Variants in TMPRSS6 observed in about 807,000 individuals in gnomAD.
The protein encoded by TMPRSS6 is transmembrane serine protease 6, also known as transmembrane protease serine 6.
TMPRSS6 carries 67 observed loss-of-function variants against 101.5 expected under a neutral mutation model. The observed-to-expected ratio is 0.66, with a 90% CI of 0.54 to 0.81. The LOEUF (loss-of-function observed/expected upper bound fraction) is 0.81, where lower values mean the gene tolerates loss of function less well. Ranked by LOEUF, TMPRSS6 falls within the 30% of genes least tolerant of loss-of-function variation. TMPRSS6 has a pLI of 0.00. For missense variants in TMPRSS6, 1,034 were observed against 1,088.7 expected, an observed-to-expected ratio of 0.95 and a Z score of 0.71; for synonymous variants, 453 against 464.9, an observed-to-expected ratio of 0.97 and a Z score of 0.33.
Position 37,065,581 on chromosome 22 carries a change from G to A in TMPRSS6, c.*499C>T, listed in dbSNP as rs560949530. The A allele has an allele frequency of 1.0e-3, 167 of 163,334 alleles. No homozygotes were observed. The highest frequency in any genetic ancestry group is 1.8e-3 in the Non-Finnish European group (134 of 74,094). The allele number at this position is 163,334 out of a possible 1,614,324, so 10.1% of individuals were successfully genotyped here. On this transcript the variant is annotated 3_prime_UTR_variant, in exon 18 of 18. Coordinates refer to ENST00000676104, the MANE Select transcript of TMPRSS6 (RefSeq NM_001374504.1). ...ACCTTTTGGCTTACAGTGGCAGCAGGCCCACCTGGCAGTCTCCAGGGCTCT... is the reference window on the plus strand; with the variant it reads ...ACCTTTTGGCTTACAGTGGCAGCAGACCCACCTGGCAGTCTCCAGGGCTCT...
At chr22:37,082,220 G>A (rs1170204131) in intron 10 of TMPRSS6, among the ~76,000 whole-genome samples, 1 of 152,158 alleles carries the variant, frequency 6.6e-6, no homozygotes, top group Non-Finnish European at 1.5e-5. Context: ...AAACAGGAAC[G>A]GCGCCAATGA....
chr22:37,066,949 G>A lies in TMPRSS6; in HGVS notation c.2127C>T (p.Asn709=), dbSNP rs143878335. The A allele has an allele frequency of 6.4e-4, 1,031 of 1,614,142 alleles. 11 individuals carry two copies. The East Asian group carries it at 0.014, about 23-fold the overall frequency. ...ACTGCACATCCACTTTCTGCAGAGCGTTGCTGATGGGGCCTGTCCGTGGTC... is the reference window on the plus strand; with the variant it reads ...ACTGCACATCCACTTTCTGCAGAGCATTGCTGATGGGGCCTGTCCGTGGTC... The part of the protein sequence containing the change: ...GALREGGPIS[N]ALQKVDVQLI... The change falls in exon 17 of 18, where the codon AAC becomes AAT. Residue 709 remains asparagine, a synonymous_variant. Coordinates refer to ENST00000676104, the MANE Select transcript of TMPRSS6 (RefSeq NM_001374504.1).
chr22:37,076,012 A>AAAGG (rs1491099625), intron 10 of TMPRSS6, among the ~76,000 whole-genome samples: 1 of 151,134 alleles, frequency 6.6e-6, no homozygotes, highest in African/African-American at 2.5e-5. Context: ...AGAAAGAAAG[A>AAAGG]AAGAAGAAAG....
Position 37,074,725 on chromosome 22 carries a change from G to A in TMPRSS6, c.1343-17C>T. 1 of 1,612,702 alleles carries A rather than the reference G, an allele frequency of 6.2e-7. No individual in the cohort carries two copies. The highest frequency in any genetic ancestry group is 8.5e-7 in the Non-Finnish European group (1 of 1,178,858). Reference sequence around the variant, plus strand: ...CAGGGCAGGCTGCAAAACCACAGGGGACCGTGGAGGCAGGCAGGGCGCCAT... The same window carrying A: ...CAGGGCAGGCTGCAAAACCACAGGGAACCGTGGAGGCAGGCAGGGCGCCAT... On this transcript the variant is annotated splice_polypyrimidine_tract_variant and intron_variant, in intron 11 of 17. Coordinates refer to ENST00000676104, the MANE Select transcript of TMPRSS6 (RefSeq NM_001374504.1).
chr22:37,089,305 G>T (rs1929025101), intron 7 of TMPRSS6, among the ~76,000 whole-genome samples: 1 of 152,112 alleles, frequency 6.6e-6, no homozygotes, highest in Non-Finnish European at 1.5e-5. Flanking sequence ...ACAAGCCACG[G>T]TGCCTCCCAG....
chr22:37,074,576 A>T (rs768268119), intron 12 of TMPRSS6, 34 bp downstream of exon 12: 2 of 1,592,458 alleles, frequency 1.3e-6, no homozygotes, highest in South Asian at 2.2e-5. Flanking sequence ...AGGGATGGGC[A>T]GGGAGAGGAG....
intron 7 of TMPRSS6, among the ~76,000 whole-genome samples, chr22:37,088,442 C>A (rs370115885): frequency 2.0e-5 from 3 of 152,212 alleles, no homozygotes; most frequent in African/African-American, 7.2e-5. Flanking sequence ...ATCAGCCTGA[C>A]GCCCAGCACA....
At chr22:37,073,382 G>A (rs1927320438) in intron 13 of TMPRSS6, 150 bp downstream of exon 13, 5 of 616,826 alleles carry the variant, frequency 8.1e-6, no homozygotes, top group South Asian at 7.4e-5. Context: ...ATGGATGGAT[G>A]GATGGATGGA....
At chr22:37,108,955 C>T (rs927951469) in intron 1 of TMPRSS6, among the ~76,000 whole-genome samples, 14 of 152,104 alleles carry the variant, frequency 9.2e-5, no homozygotes, top group East Asian at 1.9e-4. Flanking sequence ...TGGAGACACG[C>T]GGAGGGATAT....
chr22:37,093,519 C>T (rs535602313), intron 6 of TMPRSS6, among the ~76,000 whole-genome samples: 1 of 149,992 alleles, frequency 6.7e-6, no homozygotes. Context: ...TCTCCTGCCT[C>T]AGCCTCCTGA....
chr22:37,075,971 G>A (rs1312764421), intron 10 of TMPRSS6, among the ~76,000 whole-genome samples: 2 of 141,672 alleles, frequency 1.4e-5, no homozygotes, highest in Non-Finnish European at 3.0e-5. Flanking sequence ...GGGAGGGAGG[G>A]AAAAAGAAAG....
intron 7 of TMPRSS6, among the ~76,000 whole-genome samples, chr22:37,089,245 G>C (rs752155067): frequency 6.6e-6 from 1 of 152,138 alleles, no homozygotes. Context: ...ATTTAGGAAC[G>C]AGCCCAGAGG....
At chr22:37,076,361 G>T (rs1290741506) in intron 10 of TMPRSS6, among the ~76,000 whole-genome samples, 1 of 152,132 alleles carries the variant, frequency 6.6e-6, no homozygotes, top group African/African-American at 2.4e-5. Flanking sequence ...TCTGTGCATG[G>T]CCACACGGGG....
chr22:37,070,987 C>G lies in TMPRSS6; in HGVS notation c.1601G>C (p.Cys534Ser), dbSNP rs778878377. The G allele has an allele frequency of 6.2e-7, 1 of 1,613,418 alleles. No individual in the cohort carries two copies. The highest frequency in any genetic ancestry group is 8.5e-7 in the Non-Finnish European group (1 of 1,179,996). ...ACACTGCGGGTTGGGCTTCTTCACGCAGCTCCGGTCCTCACACTGGAAGGT... is the reference window on the plus strand; with the variant it reads ...ACACTGCGGGTTGGGCTTCTTCACGGAGCTCCGGTCCTCACACTGGAAGGT... ...TFTFQCEDRS[C>S]VKKPNPQCDG... Residue 534 changes from cysteine to serine, a missense_variant, in exon 14 of 18, where the codon TGC (cysteine) becomes TCC (serine). Coordinates refer to ENST00000676104, the MANE Select transcript of TMPRSS6 (RefSeq NM_001374504.1).
chr22:37,081,291 T>C (rs1928250532), intron 10 of TMPRSS6, among the ~76,000 whole-genome samples: 1 of 152,212 alleles, frequency 6.6e-6, no homozygotes, highest in Non-Finnish European at 1.5e-5. Flanking sequence ...GGTGGGGGTC[T>C]CTTTCACGCC....
intron 3 of TMPRSS6, 30 bp from the exon 4 acceptor site, chr22:37,096,745 G>C (rs1929800582): frequency 6.4e-7 from 1 of 1,554,946 alleles, no homozygotes; most frequent in East Asian, 2.4e-5. Flanking sequence ...CAGCCCCTGG[G>C]ACCCTCTGCA....
intron 14 of TMPRSS6, 82 bp from the exon 15 acceptor site, chr22:37,070,734 A>C (rs1275322543): frequency 6.8e-7 from 1 of 1,480,636 alleles, no homozygotes; most frequent in African/African-American, 1.4e-5. Context: ...CAAAGGAAAG[A>C]GATGGAGAGA....
chr22:37,070,471 C>G lies in TMPRSS6; in HGVS notation c.1841+13G>C. On this transcript the variant is annotated intron_variant, in intron 15 of 17. Transcript: ENST00000676104. ...GTCTCTTACTGCCTAGGCCCCCACACCCTCCCGCTCACCTGTCCTCCTGGA... is the reference window on the plus strand; with the variant it reads ...GTCTCTTACTGCCTAGGCCCCCACAGCCTCCCGCTCACCTGTCCTCCTGGA... 6.2e-7 allele frequency: 1 copy of G among 1,613,364 alleles called. No homozygotes were observed. Among genetic ancestry groups the G allele is most frequent in the African/African-American group, 1.3e-5 (1 of 75,026 alleles).
In TMPRSS6 at chr22:37,075,294, G is replaced by C. The variant is rs1409535463; in HGVS notation, c.1197-14C>G. 3 of 1,613,194 alleles carry C rather than the reference G, an allele frequency of 1.9e-6. No individual in the cohort carries two copies. The highest frequency in any genetic ancestry group is 2.5e-6 in the Non-Finnish European group (3 of 1,179,986). On this transcript the variant is annotated splice_polypyrimidine_tract_variant and intron_variant, in intron 10 of 17. Transcript: ENST00000676104. ...AAGCCACACAGCCTGGGGGGAGTCA[G>C]AGACGACTCAGGGCTGCACTGGCTG...
Sources: allele counts gnomAD v4.1 joint callset (sites outside exome capture counted in the v4.1 genomes callset), GRCh38; gene constraint gnomAD v4.1.1; transcripts MANE v1.5; gene names NCBI Gene and HGNC (gene_info 2026-07-23, HGNC 2026-07-21).